GPC5: variants seen among roughly 807,000 people sequenced by gnomAD.
GPC5 encodes glypican 5.
In GPC5, 47 loss-of-function variants were observed where a neutral mutation model predicts 53.9. The observed-to-expected ratio is 0.87, with a 90% CI of 0.69 to 1.11. The LOEUF is 1.11. GPC5 is among the 50% of genes most tolerant of loss of function. The pLI is 0.00. For missense variants in GPC5, 748 were observed against 713.1 expected (o/e 1.05, Z -0.56); for synonymous variants, 286 against 263.3 (o/e 1.09, Z -0.84).
intron 7 of GPC5, among the ~76,000 whole-genome samples, chr13:92,812,654 A>G (rs1877337226): frequency 6.6e-6 from 1 of 151,816 alleles, no homozygotes; most frequent in Non-Finnish European, 1.5e-5. Context: ...TTCAAATAGA[A>G]GAGGCAGAAG....
intron 7 of GPC5, among the ~76,000 whole-genome samples, chr13:92,229,441 G>T (rs2042513700): frequency 6.6e-6 from 1 of 152,042 alleles, no homozygotes; most frequent in Non-Finnish European, 1.5e-5. Flanking sequence ...GATTTATGTT[G>T]CCAATATCTA....
intron 2 of GPC5, among the ~76,000 whole-genome samples, chr13:91,581,841 G>T (rs2032373467): frequency 1.3e-5 from 2 of 151,742 alleles, no homozygotes; most frequent in African/African-American, 4.8e-5. Flanking sequence ...AAACATGAGG[G>T]ACTATATATA....
intron 3 of GPC5, chr13:91,725,136 T>C (rs1309399436): frequency 6.6e-6 from 1 of 152,206 alleles, no homozygotes; most frequent in Non-Finnish European, 1.5e-5. Flanking sequence ...GGAAGTGATA[T>C]GGGCTAGGAG....
At chr13:92,205,979 T>G (rs559180758) in intron 7 of GPC5, among the ~76,000 whole-genome samples, 87 of 143,554 alleles carry the variant, frequency 6.1e-4, no homozygotes, top group African/African-American at 2.2e-3. Context: ...GAGGTGGAGG[T>G]TGCAGTGAGC....
chr13:91,845,804 A>G (rs2038842488), intron 5 of GPC5, among the ~76,000 whole-genome samples: 1 of 152,186 alleles, frequency 6.6e-6, no homozygotes, highest in East Asian at 1.9e-4. Context: ...ATCGTTCCTG[A>G]AGAGATAAAA....
intron 2 of GPC5, among the ~76,000 whole-genome samples, chr13:91,651,498 T>C (rs2034709124): frequency 6.6e-6 from 1 of 152,144 alleles, no homozygotes; most frequent in African/African-American, 2.4e-5. Flanking sequence ...GGCATGTGGA[T>C]CACCTGAGGT....
At position 92,396,534 on chromosome 13, in the gene GPC5, T is replaced by A. The variant is rs899201379; in HGVS notation, c.1561+251545T>A. Among the ~76,000 whole-genome samples, 5 of 152,088 alleles carry A rather than the reference T, an allele frequency of 3.3e-5. No individual in the cohort carries two copies. In the East Asian group the frequency reaches 9.6e-4, roughly 29 times the overall value. The stretch of plus-strand genomic sequence containing the variant: ...TTCATCTTAATGACTTTTTAAAAAA[T>A]TTTATTTTAAGTTCCATGATACACA... On this transcript the variant is annotated intron_variant, in intron 7 of 7. Transcript: ENST00000377067.
At chr13:91,905,383 G>T (rs2039542609) in intron 5 of GPC5, among the ~76,000 whole-genome samples, 1 of 151,614 alleles carries the variant, frequency 6.6e-6, no homozygotes, top group African/African-American at 2.4e-5. Flanking sequence ...TGTACTATTT[G>T]TTATTGATGT....
intron 1 of GPC5, among the ~76,000 whole-genome samples, chr13:91,426,918 C>T (rs542340341): frequency 5.9e-5 from 9 of 152,136 alleles, no homozygotes; most frequent in Non-Finnish European, 1.3e-4. Context: ...ATCACATGTG[C>T]CTAAAAGGGG....
chr13:92,356,701 T>G (rs774156398), intron 7 of GPC5, among the ~76,000 whole-genome samples: 1 of 152,040 alleles, frequency 6.6e-6, no homozygotes, highest in Non-Finnish European at 1.5e-5. Flanking sequence ...GTGGACCAAT[T>G]TTTATTTATT....
chr13:92,803,070 A>T (rs1403544700), intron 7 of GPC5, among the ~76,000 whole-genome samples: 3 of 151,944 alleles, frequency 2.0e-5, no homozygotes, highest in Non-Finnish European at 4.4e-5. Context: ...TAATTACCTT[A>T]GGAAAATGGA....
At chr13:92,099,065 T>A (rs150049853) in intron 6 of GPC5, among the ~76,000 whole-genome samples, 1 of 152,238 alleles carries the variant, frequency 6.6e-6, no homozygotes, top group South Asian at 2.1e-4. Context: ...AGACCCTGCG[T>A]CTAATTGATT....
intron 6 of GPC5, among the ~76,000 whole-genome samples, chr13:91,987,062 T>G (rs901092723): frequency 1.3e-5 from 2 of 152,226 alleles, no homozygotes; most frequent in African/African-American, 4.8e-5. Flanking sequence ...GAATAAATGT[T>G]AGCCAGGATG....
chr13:91,813,262 C>T (rs1323580632), intron 5 of GPC5, among the ~76,000 whole-genome samples: 1 of 152,130 alleles, frequency 6.6e-6, no homozygotes, highest in East Asian at 1.9e-4. Context: ...GCCTTTTTCT[C>T]CCCTTTGCAT....
At chr13:92,233,245 G>T (rs962966532) in intron 7 of GPC5, among the ~76,000 whole-genome samples, 1 of 152,226 alleles carries the variant, frequency 6.6e-6, no homozygotes, top group Non-Finnish European at 1.5e-5. Context: ...AATTGTTGCT[G>T]TCACCAAGTA....
At position 91,868,655 on chromosome 13, in the gene GPC5, T is replaced by C. The variant is rs183105761; in HGVS notation, c.1281-39282T>C. Among the ~76,000 whole-genome samples the C allele has an allele frequency of 4.4e-3, 668 of 152,162 alleles. 4 individuals carry two copies. Among genetic ancestry groups the C allele is most frequent in the African/African-American group, 0.016 (646 of 41,524 alleles). ...GGGAGATTGAAGCTGCAATGAACTG[T>C]GACTGTGCCACTGCACTCCAGCCTG... is the stretch of plus-strand genomic sequence containing the variant. On this transcript the variant is annotated intron_variant, in intron 5 of 7. Coordinates refer to ENST00000377067, the MANE Select transcript of GPC5 (RefSeq NM_004466.6).
chr13:91,468,512 A>G (rs905620788), intron 2 of GPC5, among the ~76,000 whole-genome samples: 2 of 152,144 alleles, frequency 1.3e-5, no homozygotes, highest in Non-Finnish European at 2.9e-5. Flanking sequence ...GAAAGATGAT[A>G]TGAGGACAGA....
At chr13:92,464,997 G>A (rs1195698441) in intron 7 of GPC5, among the ~76,000 whole-genome samples, 2 of 151,738 alleles carry the variant, frequency 1.3e-5, no homozygotes, top group Non-Finnish European at 1.5e-5. Context: ...TAATAACAAT[G>A]ACCAGTAAAG....
intron 7 of GPC5, among the ~76,000 whole-genome samples, chr13:92,567,534 A>G (rs1882897648): frequency 6.6e-6 from 1 of 152,186 alleles, no homozygotes; most frequent in Non-Finnish European, 1.5e-5. Context: ...ATGGGAGATT[A>G]TCCTGGATTA....
Sources: allele counts gnomAD v4.1 joint callset (sites outside exome capture counted in the v4.1 genomes callset), GRCh38; gene constraint gnomAD v4.1.1; transcripts MANE v1.5; gene names NCBI Gene and HGNC (gene_info 2026-07-23, HGNC 2026-07-21).